The following HECW1 variants were observed in gnomAD, a reference collection of about 807,000 sequenced individuals.
HECW1 encodes the protein E3 ubiquitin-protein ligase HECW1.
HECW1 carries 61 observed loss-of-function variants against 182.3 expected under a neutral mutation model. That is an observed-to-expected ratio of 0.33 (90% CI 0.27 to 0.41). The LOEUF (loss-of-function observed/expected upper bound fraction) is 0.41, where lower values mean the gene tolerates loss of function less well. HECW1 is among the 10% of genes least tolerant of loss of function. HECW1 has a pLI of 1.00. For synonymous variants in HECW1, 859 were observed against 832.6 expected (o/e 1.03, Z -0.55); for missense variants, 1,739 against 2,108.9 (o/e 0.82, Z 3.44).
In HECW1 at chr7:43,353,632, TCC is replaced by T. The variant is rs1814731735; in HGVS notation, c.461-7252_461-7251del. Among the ~76,000 whole-genome samples the T allele has an allele frequency of 1.0e-4, 5 of 47,874 alleles. No homozygotes were observed. The East Asian group carries it at 2.5e-3, about 24-fold the overall frequency. 31.4% of individuals were successfully genotyped at this position (47,874 alleles called of 152,430 possible). On this transcript the variant is annotated intron_variant, in intron 5 of 29. Coordinates refer to ENST00000395891, the MANE Select transcript of HECW1 (RefSeq NM_015052.5). ...CAGACTTCCATATCCACAATGCCCCTCCCTCCCCTCAATCTACCTGGCACCAA... is the reference window on the plus strand; with the variant it reads ...CAGACTTCCATATCCACAATGCCCCTCTCCCCTCAATCTACCTGGCACCAA...
intron 3 of HECW1, among the ~76,000 whole-genome samples, chr7:43,265,657 G>A (rs1801697339): frequency 6.6e-6 from 1 of 152,110 alleles, no homozygotes; most frequent in South Asian, 2.1e-4. Context: ...GACCAACTGG[G>A]TATCCAACAA....
At chr7:43,247,731 A>AAATG (rs1799523728) in intron 3 of HECW1, among the ~76,000 whole-genome samples, 1 of 124,208 alleles carries the variant, frequency 8.1e-6, no homozygotes, top group Non-Finnish European at 1.6e-5. Flanking sequence ...AGGAAGGAAG[A>AAATG]AAGGAAGGAA....
chr7:43,257,446 A>G (rs947176377), intron 3 of HECW1, among the ~76,000 whole-genome samples: 4 of 152,158 alleles, frequency 2.6e-5, no homozygotes, highest in African/African-American at 9.7e-5. Context: ...CTTCAAGGTA[A>G]GAAGGCTGAT....
chr7:43,561,925 G>A lies in HECW1; in HGVS notation c.4820G>A (p.Ter1607=). 2 of 1,577,130 alleles carry A rather than the reference G, an allele frequency of 1.3e-6. No homozygotes were observed. The highest frequency in any genetic ancestry group is 1.7e-6 in the Non-Finnish European group (2 of 1,146,302). ...VEETSTFGLE[*] ...GAAACCAGCACCTTTGGACTTGAGT[G>A]AGGACATGGAACCTCGCCTGACATT... The change falls in exon 30 of 30, where the codon TGA becomes TAA. Residue 1607 remains the stop codon, a stop_retained_variant. Coordinates refer to ENST00000395891, the MANE Select transcript of HECW1 (RefSeq NM_015052.5).
At chr7:43,216,424 G>A (rs193257702) in intron 2 of HECW1, among the ~76,000 whole-genome samples, 27 of 152,256 alleles carry the variant, frequency 1.8e-4, no homozygotes, top group African/African-American at 6.0e-4. Context: ...GATTACAGGT[G>A]TGTGCCACCG....
intron 3 of HECW1, among the ~76,000 whole-genome samples, chr7:43,293,527 G>T (rs947126534): frequency 1.2e-4 from 19 of 152,056 alleles, no homozygotes; most frequent in Non-Finnish European, 2.6e-4. Context: ...TTTCAATTTA[G>T]TCCTAGGAAG....
chr7:43,220,487 C>T (rs1016613269), intron 2 of HECW1, among the ~76,000 whole-genome samples: 2 of 152,214 alleles, frequency 1.3e-5, no homozygotes, highest in African/African-American at 2.4e-5. Flanking sequence ...GACTCAGAGA[C>T]ACAACACTCT....
chr7:43,446,878 A>C (rs181985035), intron 11 of HECW1, among the ~76,000 whole-genome samples: 1 of 152,342 alleles, frequency 6.6e-6, no homozygotes, highest in African/African-American at 2.4e-5. Context: ...TTTCTTTCAC[A>C]AGGATGTTTC....
At chr7:43,215,780 C>A (rs947276123) in intron 2 of HECW1, among the ~76,000 whole-genome samples, 2 of 152,140 alleles carry the variant, frequency 1.3e-5, no homozygotes, top group Admixed American at 6.6e-5. Context: ...AAATCAGAGT[C>A]CCTGTATACT....
At chr7:43,414,194 G>A (rs1584820518) in intron 8 of HECW1, among the ~76,000 whole-genome samples, 2 of 151,014 alleles carry the variant, frequency 1.3e-5, no homozygotes, top group Admixed American at 6.6e-5. Flanking sequence ...TGGATTCCTA[G>A]GTATTTTATT....
intron 8 of HECW1, 104 bp downstream of exon 8, chr7:43,407,835 G>A: frequency 9.7e-7 from 1 of 1,025,814 alleles, no homozygotes; most frequent in Non-Finnish European, 1.4e-6. Flanking sequence ...GGACTCTGCT[G>A]CTCAATCTAT....
chr7:43,548,329 C>CA (rs1454806103), intron 26 of HECW1, among the ~76,000 whole-genome samples: 2 of 151,600 alleles, frequency 1.3e-5, no homozygotes, highest in Non-Finnish European at 2.9e-5. Context: ...TGTAAGTCTC[C>CA]AAAAAAATTC....
intron 8 of HECW1, among the ~76,000 whole-genome samples, chr7:43,427,192 A>T (rs1047523270): frequency 3.3e-5 from 5 of 152,230 alleles, no homozygotes; most frequent in African/African-American, 7.2e-5. Context: ...ATAACTAGAC[A>T]CAAAATAACA....
intron 21 of HECW1, among the ~76,000 whole-genome samples, chr7:43,501,593 G>A (rs916804480): frequency 1.8e-4 from 27 of 152,250 alleles, no homozygotes; most frequent in African/African-American, 5.1e-4. Context: ...GCTTTGGGAG[G>A]CCAAGCCAGA....
chr7:43,193,013 T>C (rs926461279), intron 2 of HECW1, among the ~76,000 whole-genome samples: 6 of 152,218 alleles, frequency 3.9e-5, no homozygotes, highest in African/African-American at 1.4e-4. Flanking sequence ...TAAATGATGG[T>C]TGCATTATTC....
chr7:43,307,670 G>C (rs1807757056), intron 3 of HECW1, among the ~76,000 whole-genome samples: 1 of 151,958 alleles, frequency 6.6e-6, no homozygotes, highest in South Asian at 2.1e-4. Context: ...GTATATGCTA[G>C]AAACACTTGT....
intron 6 of HECW1, among the ~76,000 whole-genome samples, chr7:43,367,125 T>C (rs1816748223): frequency 6.6e-6 from 1 of 152,248 alleles, no homozygotes; most frequent in South Asian, 2.1e-4. Context: ...CATGGCACTA[T>C]AGCCATGTTC....
At chr7:43,518,302 C>T (rs2152935972) in intron 24 of HECW1, among the ~76,000 whole-genome samples, 2 of 152,178 alleles carry the variant, frequency 1.3e-5, no homozygotes, top group Middle Eastern at 6.8e-3. Context: ...TGAGACCATC[C>T]TGGCCAACAT....
chr7:43,390,263 C>T (rs1454532545), intron 6 of HECW1, among the ~76,000 whole-genome samples: 1 of 152,030 alleles, frequency 6.6e-6, no homozygotes, highest in Non-Finnish European at 1.5e-5. Flanking sequence ...AGGGAGGCCA[C>T]GCATGGTGGC....
Sources: allele counts gnomAD v4.1 joint callset (sites outside exome capture counted in the v4.1 genomes callset), GRCh38; gene constraint gnomAD v4.1.1; transcripts MANE v1.5; gene names NCBI Gene and HGNC (gene_info 2026-07-23, HGNC 2026-07-21).